The following DCAF10 variants were observed in gnomAD, a reference collection of about 807,000 sequenced individuals.
The protein encoded by DCAF10 is DDB1- and CUL4-associated factor 10.
In DCAF10, 19 loss-of-function variants were observed where a neutral mutation model predicts 51.9. The observed-to-expected ratio is 0.37, with a 90% CI of 0.26 to 0.54. DCAF10 has a LOEUF of 0.54. DCAF10 is among the 20% of genes least tolerant of loss of function. The pLI is 0.87. For synonymous variants in DCAF10, 291 were observed against 297.1 expected (o/e 0.98, Z 0.21); for missense variants, 510 against 730.6 (o/e 0.70, Z 3.48).
In DCAF10 at chr9:37,850,881, T is replaced by A. The variant is rs74171532; in HGVS notation, c.852-3899T>A. Reference sequence around the variant, plus strand: ...ATATATATATATATATATATATATATAAATTAGCTTGATTTAGCCATTCCA... The same window carrying A: ...ATATATATATATATATATATATATAAAAATTAGCTTGATTTAGCCATTCCA... On this transcript the variant is annotated intron_variant, in intron 3 of 6. Transcript: ENST00000377724. Among the ~76,000 whole-genome samples, 889 of 103,770 alleles carry A rather than the reference T, an allele frequency of 8.6e-3. 11 individuals are homozygous for A. The highest frequency in any genetic ancestry group is 0.015 in the South Asian group (49 of 3,192). 68.1% of individuals were successfully genotyped at this position (103,770 alleles called of 152,430 possible).
intron 1 of DCAF10, among the ~76,000 whole-genome samples, chr9:37,814,408 A>G (rs1428988260): frequency 2.1e-5 from 3 of 142,586 alleles, no homozygotes; most frequent in South Asian, 2.2e-4. Context: ...TCGGCCTCCT[A>G]AAGTGCTGGG....
At chr9:37,800,657 C>T, upstream of DCAF10, 4 of 1,536,060 alleles carry the variant, frequency 2.6e-6, no homozygotes, top group Non-Finnish European at 3.5e-6. Flanking sequence ...GGTAACTACT[C>T]GCTCCCTACC....
chr9:37,838,363 C>T (rs978006594), intron 2 of DCAF10, among the ~76,000 whole-genome samples: 5 of 151,974 alleles, frequency 3.3e-5, no homozygotes, highest in African/African-American at 9.7e-5. Flanking sequence ...TGGACACTCT[C>T]CTAACTGCTG....
chr9:37,843,997 G>A (rs1830406251), intron 3 of DCAF10, among the ~76,000 whole-genome samples: 2 of 152,078 alleles, frequency 1.3e-5, no homozygotes, highest in Admixed American at 6.5e-5. Flanking sequence ...AAACAGTTGT[G>A]GCTACATTAA....
chr9:37,860,729 G>A (rs1830990405), intron 6 of DCAF10, among the ~76,000 whole-genome samples: 1 of 152,130 alleles, frequency 6.6e-6, no homozygotes. Context: ...GTCTTCCAAG[G>A]ATCTCACTGG....
intron 2 of DCAF10, among the ~76,000 whole-genome samples, chr9:37,840,357 G>A (rs1830296101): frequency 6.6e-6 from 1 of 152,212 alleles, no homozygotes. Flanking sequence ...CTCTGTTCCT[G>A]TTATTGCCCC....
rs1328675062 is a variant in DCAF10 at position 37,850,826 on chromosome 9, T to TTTTA, written c.852-3953_852-3952insTTAT. 6.8e-4 allele frequency among the ~76,000 whole-genome samples: 31 copies of TTTTA among 45,878 alleles called. 1 individual carries two copies. The highest frequency in any genetic ancestry group is 1.3e-3 in the Non-Finnish European group (25 of 19,962). 30.1% of individuals were successfully genotyped at this position (45,878 alleles called of 152,430 possible). Reference sequence around the variant, plus strand: ...AATGCTAAGTATGTGAGGATATATTTTATATATATATATATATATATATAT... The same window carrying TTTTA: ...AATGCTAAGTATGTGAGGATATATTTTTTATATATATATATATATATATATATAT... On this transcript the variant is annotated intron_variant, in intron 3 of 6. Transcript: ENST00000377724.
At chr9:37,850,816 A>C (rs1381861569) in intron 3 of DCAF10, among the ~76,000 whole-genome samples, 1 of 114,068 alleles carries the variant, frequency 8.8e-6, no homozygotes, top group African/African-American at 3.2e-5. Context: ...TAAGTATGTG[A>C]GGATATATTT....
chr9:37,807,658 C>CTTTTTTTTTTTTTT (rs5897701), intron 1 of DCAF10, among the ~76,000 whole-genome samples: 2 of 72,558 alleles, frequency 2.8e-5, no homozygotes, highest in Non-Finnish European at 5.2e-5. Flanking sequence ...CTTTTCTTTT[C>CTTTTTTTTTTTTTT]TTTTTTTTTT....
chr9:37,821,656 T>G (rs1829703327), intron 2 of DCAF10, among the ~76,000 whole-genome samples: 1 of 152,116 alleles, frequency 6.6e-6, no homozygotes, highest in African/African-American at 2.4e-5. Context: ...GACTTAAACC[T>G]AAGACCTGAA....
chr9:37,835,544 C>G (rs997916153), intron 2 of DCAF10, among the ~76,000 whole-genome samples: 1 of 151,974 alleles, frequency 6.6e-6, no homozygotes, highest in Non-Finnish European at 1.5e-5. Flanking sequence ...CGCCACTGCA[C>G]TCCAGCCTGG....
intron 3 of DCAF10, among the ~76,000 whole-genome samples, chr9:37,852,372 G>A (rs1830680771): frequency 6.6e-6 from 1 of 152,142 alleles, no homozygotes; most frequent in Non-Finnish European, 1.5e-5. Context: ...TGAAGTGGGA[G>A]GATCACTTGA....
chr9:37,855,793 T>A (rs1351088552), intron 4 of DCAF10, among the ~76,000 whole-genome samples: 2 of 152,208 alleles, frequency 1.3e-5, no homozygotes, highest in Non-Finnish European at 2.9e-5. Context: ...GAGGATCGCT[T>A]GAGCCCAGGA....
At chr9:37,810,821 T>C (rs1175063421) in intron 1 of DCAF10, among the ~76,000 whole-genome samples, 1 of 152,048 alleles carries the variant, frequency 6.6e-6, no homozygotes, top group Non-Finnish European at 1.5e-5. Flanking sequence ...AGAATTGCAA[T>C]TTAGGATCCG....
At chr9:37,850,838 A>ATGTG (rs1259318294) in intron 3 of DCAF10, among the ~76,000 whole-genome samples, 2 of 16,736 alleles carry the variant, frequency 1.2e-4, no homozygotes, top group Non-Finnish European at 2.4e-4. Context: ...ATATATATAT[A>ATGTG]TATATATATA....
chr9:37,810,919 G>A (rs1004585602), intron 1 of DCAF10, among the ~76,000 whole-genome samples: 5 of 152,158 alleles, frequency 3.3e-5, no homozygotes, highest in Non-Finnish European at 7.4e-5. Context: ...GTACTCATGG[G>A]GACTAAAGGC....
chr9:37,864,862 A>C lies in DCAF10; in HGVS notation c.*3354A>C, dbSNP rs1831105418. 6.6e-6 allele frequency: 1 copy of C among 152,164 alleles called. No homozygotes were observed. The highest frequency in any genetic ancestry group is 1.5e-5 in the Non-Finnish European group (1 of 68,032). The allele number at this position is 152,164 out of a possible 1,614,324, so 9.4% of individuals were successfully genotyped here. ...TAACCCTCACAAAAACTTGCAGGGT[A>C]GGTGGAATGAGCCCCAATTTAATTT... On this transcript the variant is annotated 3_prime_UTR_variant, in exon 7 of 7. Transcript: ENST00000377724.
At chr9:37,816,536 G>A (rs1829538651) in intron 1 of DCAF10, among the ~76,000 whole-genome samples, 1 of 152,172 alleles carries the variant, frequency 6.6e-6, no homozygotes, top group Non-Finnish European at 1.5e-5. Context: ...GTTGCAGTGA[G>A]CTGAGATTGT....
upstream of DCAF10, chr9:37,800,776 C>G: frequency 6.6e-7 from 1 of 1,521,654 alleles, no homozygotes; most frequent in Non-Finnish European, 8.8e-7. Context: ...TGGGGTTAGG[C>G]CGCTGCACGC....
Sources: allele counts gnomAD v4.1 joint callset (sites outside exome capture counted in the v4.1 genomes callset), GRCh38; gene constraint gnomAD v4.1.1; transcripts MANE v1.5; gene names NCBI Gene and HGNC (gene_info 2026-07-23, HGNC 2026-07-21).